Variants in CLSTN1 observed in about 807,000 individuals in gnomAD.
CLSTN1 encodes calsyntenin-1.
In CLSTN1, 28 loss-of-function variants were observed where a neutral mutation model predicts 108.3. The observed-to-expected ratio is 0.26, with a 90% CI of 0.19 to 0.35. The LOEUF (loss-of-function observed/expected upper bound fraction) is 0.35, where lower values mean the gene tolerates loss of function less well. Ranked by LOEUF, CLSTN1 falls within the 10% of genes least tolerant of loss-of-function variation. CLSTN1 has a pLI of 1.00. For missense variants in CLSTN1, 1,157 were observed against 1,302.6 expected, an observed-to-expected ratio of 0.89 and a Z score of 1.72; for synonymous variants, 524 against 534.9, an observed-to-expected ratio of 0.98 and a Z score of 0.28.
At chr1:9,741,745 C>G (rs1650993968) in intron 9 of CLSTN1, among the ~76,000 whole-genome samples, 1 of 152,188 alleles carries the variant, frequency 6.6e-6, no homozygotes, top group Non-Finnish European at 1.5e-5. Context: ...AACCCCATCT[C>G]TACTGAAAAT....
In CLSTN1 at chr1:9,735,610, T is replaced by C. The variant is rs138724798; in HGVS notation, c.1740A>G (p.Gln580=). The C allele has an allele frequency of 1.8e-4, 291 of 1,613,976 alleles. 1 individual carries two copies. Among genetic ancestry groups the C allele is most frequent in the South Asian group, 3.3e-5 (3 of 91,084 alleles). Residue 580 remains glutamine, a synonymous_variant, in exon 13 of 19, where the codon CAA becomes CAG. Coordinates refer to ENST00000377298, the MANE Select transcript of CLSTN1 (RefSeq NM_001009566.3). The stretch of plus-strand genomic sequence containing the variant: ...TCAATACCAACTGGCTGGGGTGTGC[T>C]TGGATCTGAAATCACACCAGCCACA... ...LEDSGRGVQI[Q]AHPSQLVLTL... is the part of the protein sequence containing the mutation.
chr1:9,764,664 AGT>A (rs1652240531), intron 2 of CLSTN1, among the ~76,000 whole-genome samples: 1 of 129,796 alleles, frequency 7.7e-6, no homozygotes, highest in Non-Finnish European at 1.6e-5. Flanking sequence ...AAAAAAAAAA[AGT>A]TTCCACATGA....
chr1:9,782,979 C>G (rs191465949), intron 1 of CLSTN1, among the ~76,000 whole-genome samples: 119 of 152,314 alleles, frequency 7.8e-4, no homozygotes, highest in African/African-American at 2.7e-3. Context: ...CGCACTCCAG[C>G]CTGGGTGACA....
rs1365771023 is a variant in CLSTN1, at chr1:9,730,293, G to A, written c.*215C>T. Reference sequence around the variant, plus strand: ...GAGCCGGATGGCGGCCAGAGAGGACGTGTCAGCTCCTCGTGGGACTGAAGA... The same window carrying A: ...GAGCCGGATGGCGGCCAGAGAGGACATGTCAGCTCCTCGTGGGACTGAAGA... On this transcript the variant is annotated 3_prime_UTR_variant, in exon 19 of 19. Transcript: ENST00000377298. This position sits in a 1 kb window ranked among gnomAD's most constrained non-coding sequence, Gnocchi z 5.6. 8.3e-6 allele frequency: 5 copies of A among 599,036 alleles called. No individual in the cohort carries two copies. Among genetic ancestry groups the A allele is most frequent in the African/African-American group, 3.7e-5 (2 of 54,110 alleles). 37.1% of individuals were successfully genotyped at this position (599,036 alleles called of 1,614,324 possible). A position where few individuals can be genotyped will look rare whatever the true frequency, so the allele number is the denominator to read the frequency against.
chr1:9,791,777 G>T (rs188776755), intron 1 of CLSTN1, among the ~76,000 whole-genome samples: 139 of 146,360 alleles, frequency 9.5e-4, no homozygotes, highest in Middle Eastern at 3.9e-3. Context: ...TAAGTGATCC[G>T]CCTGCCTCGG....
intron 1 of CLSTN1, among the ~76,000 whole-genome samples, chr1:9,813,193 C>T (rs1654835623): frequency 6.6e-6 from 1 of 151,396 alleles, no homozygotes; most frequent in South Asian, 2.1e-4. Context: ...CTGTTGCCAT[C>T]TTGATATTTT....
chr1:9,803,040 T>C (rs1654354196), intron 1 of CLSTN1, among the ~76,000 whole-genome samples: 1 of 151,988 alleles, frequency 6.6e-6, no homozygotes, highest in Admixed American at 6.6e-5. Flanking sequence ...TCCAGGCTGG[T>C]CTCAAACTCC....
intron 1 of CLSTN1, among the ~76,000 whole-genome samples, chr1:9,809,050 G>C (rs561961072): frequency 4.9e-4 from 74 of 152,298 alleles, no homozygotes; most frequent in Admixed American, 1.1e-3. Flanking sequence ...GTCCACCAGA[G>C]TGAAAACCTC....
At chr1:9,818,326 G>A (rs112154138) in intron 1 of CLSTN1, among the ~76,000 whole-genome samples, 3,262 of 148,208 alleles carry the variant, frequency 0.022, 135 homozygotes, top group African/African-American at 0.074. Flanking sequence ...GTTTTTTTTT[G>A]TTTTTGTTTT....
intron 1 of CLSTN1, among the ~76,000 whole-genome samples, chr1:9,784,119 C>T (rs530321098): frequency 4.5e-4 from 67 of 149,980 alleles, no homozygotes; most frequent in African/African-American, 1.6e-3. Context: ...TTGCAATGAG[C>T]CAAGATTGCG....
At chr1:9,814,972 C>A (rs1405736089) in intron 1 of CLSTN1, among the ~76,000 whole-genome samples, 1 of 151,910 alleles carries the variant, frequency 6.6e-6, no homozygotes, top group Non-Finnish European at 1.5e-5. Flanking sequence ...TTTTCCAGTC[C>A]CTTTCATTAA....
chr1:9,794,919 C>T (rs1449794149), intron 1 of CLSTN1, among the ~76,000 whole-genome samples: 1 of 151,070 alleles, frequency 6.6e-6, no homozygotes, highest in Non-Finnish European at 1.5e-5. Flanking sequence ...GTATTCAAGG[C>T]CTGATGGCAT....
chr1:9,790,259 T>C (rs773749561), intron 1 of CLSTN1, among the ~76,000 whole-genome samples: 13 of 151,376 alleles, frequency 8.6e-5, no homozygotes, highest in South Asian at 2.2e-4. Context: ...CCTTTAAGTA[T>C]GTTTATTAAG....
intron 9 of CLSTN1, among the ~76,000 whole-genome samples, chr1:9,743,127 T>C (rs1183168449): frequency 1.3e-5 from 2 of 152,232 alleles, no homozygotes. Flanking sequence ...GGCCAAAGGT[T>C]TCCTTCTCAT....
chr1:9,752,430 AAG>A (rs1651599124), intron 4 of CLSTN1, among the ~76,000 whole-genome samples: 1 of 152,206 alleles, frequency 6.6e-6, no homozygotes, highest in African/African-American at 2.4e-5. Context: ...ACTGTGGAAA[AAG>A]AGAAGAGACT....
intron 1 of CLSTN1, among the ~76,000 whole-genome samples, chr1:9,789,467 AG>A (rs1209497754): frequency 6.6e-6 from 1 of 151,490 alleles, no homozygotes; most frequent in Admixed American, 6.7e-5. Context: ...GACAACAGAG[AG>A]TAAGAAGCCC....
Position 9,735,030 on chromosome 1 carries a change from C to T in CLSTN1, c.2028G>A (p.Val676=). ...TGATGCGAAGCTCAGGGAAAAGGAA[C>T]ACCCCTTCTGAGCTTTCAAATTCAG... ...AASEFESSEG[V]FLFPELRIIS... Residue 676 remains valine, a synonymous_variant, in exon 14 of 19, where the codon GTG becomes GTA. Transcript: ENST00000377298. 6.2e-7 allele frequency: 1 copy of T among 1,614,262 alleles called. No individual in the cohort carries two copies. Among genetic ancestry groups the T allele is most frequent in the Non-Finnish European group, 8.5e-7 (1 of 1,180,050 alleles).
At chr1:9,745,702 C>A (rs567910616) in intron 7 of CLSTN1, among the ~76,000 whole-genome samples, 1 of 150,260 alleles carries the variant, frequency 6.7e-6, no homozygotes, top group East Asian at 1.9e-4. Context: ...TATGTATGTG[C>A]ATAATACATA....
chr1:9,823,789 C>T lies in CLSTN1; in HGVS notation c.-56G>A, dbSNP rs1259330892. ...CGCGCGGGACGCCGAGCGGAGCTCTCGGAGCTCTCGGGGCTCTAGGGGCCT... is the reference window on the plus strand; with the variant it reads ...CGCGCGGGACGCCGAGCGGAGCTCTTGGAGCTCTCGGGGCTCTAGGGGCCT... On this transcript the variant is annotated 5_prime_UTR_variant, in exon 1 of 19. Transcript: ENST00000377298. The surrounding 1 kb of genome is among the most constrained non-coding windows in gnomAD (Gnocchi z 6.3). 1.5e-5 allele frequency: 13 copies of T among 896,242 alleles called. No homozygotes were observed. Among genetic ancestry groups the T allele is most frequent in the African/African-American group, 3.6e-5 (2 of 55,108 alleles). The allele number at this position is 896,242 out of a possible 1,614,324, so 55.5% of individuals were successfully genotyped here. A position where few individuals can be genotyped will look rare whatever the true frequency, so the allele number is the denominator to read the frequency against.
Sources: gnomAD v4.1 joint callset for allele counts (sites outside exome capture counted in the v4.1 genomes callset) on GRCh38, gnomAD v4.1.1 for gene constraint, Gnocchi (gnomAD v3.1) non-coding constraint, MANE v1.5 for transcripts, NCBI Gene and HGNC (gene_info 2026-07-23, HGNC 2026-07-21) for gene names.